Variants in CCT6B observed in about 807,000 individuals in gnomAD.
CCT6B encodes probable T-complex protein 1 subunit zeta-2.
In CCT6B, 49 loss-of-function variants were observed where a neutral mutation model predicts 61.5. That is an observed-to-expected ratio of 0.80 (90% CI 0.63 to 1.01). The LOEUF is 1.01. CCT6B is among the 50% of genes least tolerant of loss of function. CCT6B has a pLI of 0.00. For synonymous variants in CCT6B, 228 were observed against 214.5 expected (o/e 1.06, Z -0.55); for missense variants, 666 against 634.7 (o/e 1.05, Z -0.53).
At chr17:34,951,309 AC>A (rs869230731) in intron 5 of CCT6B, among the ~76,000 whole-genome samples, 1 of 143,542 alleles carries the variant, frequency 7.0e-6, no homozygotes, top group Non-Finnish European at 1.5e-5. Context: ...TATGATATTT[AC>A]AGGTGGTATA....
intron 10 of CCT6B, among the ~76,000 whole-genome samples, chr17:34,937,711 G>A (rs1567664824): frequency 6.6e-6 from 1 of 151,908 alleles, no homozygotes; most frequent in Non-Finnish European, 1.5e-5. Context: ...TAATAAATTA[G>A]ACTTCATCAA....
At chr17:34,940,753 A>G (rs2090154299) in intron 7 of CCT6B, 132 bp from the exon 8 acceptor site, 2 of 398,020 alleles carry the variant, frequency 5.0e-6, no homozygotes, top group Non-Finnish European at 9.0e-6. Context: ...TGTAAGCTCT[A>G]TCTATAATAT....
intron 10 of CCT6B, among the ~76,000 whole-genome samples, chr17:34,935,950 T>C (rs1006465711): frequency 1.3e-5 from 2 of 151,714 alleles, no homozygotes; most frequent in East Asian, 1.9e-4. Context: ...TGTGTGTGTT[T>C]TGACAAAAAA....
intron 2 of CCT6B, among the ~76,000 whole-genome samples, chr17:34,959,059 G>C (rs1347445242): frequency 6.7e-6 from 1 of 148,682 alleles, no homozygotes; most frequent in Non-Finnish European, 1.5e-5. Context: ...TGATTTATAA[G>C]TATGCCTAAG....
chr17:34,958,277 C>CT, intron 3 of CCT6B, among the ~76,000 whole-genome samples: 1 of 152,038 alleles, frequency 6.6e-6, no homozygotes. Context: ...AACCCTGTCT[C>CT]TAAAAAAAAT....
At chr17:34,949,106 G>GAAA (rs909196765) in intron 5 of CCT6B, among the ~76,000 whole-genome samples, 9 of 62,356 alleles carry the variant, frequency 1.4e-4, no homozygotes, top group Non-Finnish European at 2.3e-4. Flanking sequence ...GAAAAGAAAA[G>GAAA]AGAAAAGAAA....
intron 3 of CCT6B, among the ~76,000 whole-genome samples, chr17:34,956,745 C>T (rs1029663548): frequency 1.1e-4 from 17 of 152,236 alleles, no homozygotes; most frequent in Admixed American, 1.0e-3. Context: ...TTGCCCTCTG[C>T]CTAATTTCCT....
At chr17:34,948,667 T>TCACG in intron 5 of CCT6B, among the ~76,000 whole-genome samples, 1 of 142,874 alleles carries the variant, frequency 7.0e-6, no homozygotes, top group Non-Finnish European at 1.5e-5. Flanking sequence ...TGAGCCAAGA[T>TCACG]CACGCCATTG....
chr17:34,961,177 A>C (rs1025925474), intron 1 of CCT6B, 80 bp downstream of exon 1: 184 of 1,494,000 alleles, frequency 1.2e-4, no homozygotes, highest in African/African-American at 1.1e-3. Context: ...CCACAGCGCT[A>C]CGCGGACGCC....
intron 3 of CCT6B, among the ~76,000 whole-genome samples, chr17:34,957,005 C>T (rs1277147248): frequency 6.6e-6 from 1 of 151,798 alleles, no homozygotes. Flanking sequence ...GACAGGGTCT[C>T]ACTATGTTGC....
intron 5 of CCT6B, among the ~76,000 whole-genome samples, chr17:34,949,068 G>A (rs531812791): frequency 5.0e-5 from 4 of 80,158 alleles, no homozygotes; most frequent in African/African-American, 2.0e-4. Context: ...AGGAAGGGAA[G>A]GGGGAGGGGA....
intron 5 of CCT6B, chr17:34,943,857 C>T (rs1394840687): frequency 1.3e-5 from 2 of 150,202 alleles, no homozygotes; most frequent in Non-Finnish European, 3.0e-5. Context: ...AGGGGTTATG[C>T]CTGGGTAGTA....
At chr17:34,940,515 A>C in intron 8 of CCT6B, 24 bp downstream of exon 8, 4 of 1,245,056 alleles carry the variant, frequency 3.2e-6, no homozygotes, top group Non-Finnish European at 4.6e-6. Context: ...AAAACTTAGG[A>C]TATATAATTA....
chr17:34,943,143 A>G, intron 5 of CCT6B: 2 of 384,628 alleles, frequency 5.2e-6, no homozygotes, highest in Non-Finnish European at 9.3e-6. Context: ...CAGCCTCCCA[A>G]GTAGCTGGGA....
Position 34,931,662 on chromosome 17 carries a change from T to C in CCT6B, c.1348-611A>G, listed in dbSNP as rs908079804. ...CAGGATCATACTGACTTTGCTGCTCTGGGGAAAGAAAAAATAGCAAATCTA... is the reference window on the plus strand; with the variant it reads ...CAGGATCATACTGACTTTGCTGCTCCGGGGAAAGAAAAAATAGCAAATCTA... On this transcript the variant is annotated intron_variant, in intron 11 of 13. Coordinates refer to ENST00000314144, the MANE Select transcript of CCT6B (RefSeq NM_006584.4). Among the ~76,000 whole-genome samples, 4 of 152,262 alleles carry C rather than the reference T, an allele frequency of 2.6e-5. No individual in the cohort carries two copies. In the South Asian group the frequency reaches 8.3e-4, roughly 32 times the overall value.
At chr17:34,930,625 T>C (rs2090025007) in intron 12 of CCT6B, among the ~76,000 whole-genome samples, 1 of 152,150 alleles carries the variant, frequency 6.6e-6, no homozygotes, top group Non-Finnish European at 1.5e-5. Context: ...CTTTTTTCCA[T>C]ATAATTCATT....
chr17:34,940,892 T>C, intron 7 of CCT6B, among the ~76,000 whole-genome samples: 1 of 152,096 alleles, frequency 6.6e-6, no homozygotes, highest in East Asian at 1.9e-4. Flanking sequence ...AAAATATATA[T>C]AGTGAGCTAG....
chr17:34,941,909 A>C (rs1391827302), intron 7 of CCT6B, among the ~76,000 whole-genome samples: 2 of 152,106 alleles, frequency 1.3e-5, no homozygotes, highest in African/African-American at 4.8e-5. Flanking sequence ...ATGGTGATGC[A>C]CACCTGTAGT....
At chr17:34,929,776 A>C (rs990779396) in intron 12 of CCT6B, among the ~76,000 whole-genome samples, 5 of 152,092 alleles carry the variant, frequency 3.3e-5, no homozygotes, top group African/African-American at 9.6e-5. Context: ...GGCCTCCCAG[A>C]GTGCTGGGAT....
Sources: allele counts gnomAD v4.1 joint callset (sites outside exome capture counted in the v4.1 genomes callset), GRCh38; gene constraint gnomAD v4.1.1; transcripts MANE v1.5; gene names NCBI Gene and HGNC (gene_info 2026-07-23, HGNC 2026-07-21).